CCDC47: variants seen among roughly 807,000 people sequenced by gnomAD.
CCDC47 encodes the protein coiled-coil domain containing 47, also known as PAT complex subunit CCDC47.
In CCDC47, 41 loss-of-function variants were observed where a neutral mutation model predicts 60.5. That is an observed-to-expected ratio of 0.68 (90% CI 0.53 to 0.88). The LOEUF is 0.88. Among genes scored for constraint, CCDC47 ranks in the 40% least tolerant of loss-of-function variants. CCDC47 has a pLI of 0.00. For missense variants in CCDC47, 513 were observed against 580.9 expected (o/e 0.88, Z 1.20); for synonymous variants, 195 against 190.7 (o/e 1.02, Z -0.18).
At chr17:63,762,007 T>C (rs191958969) in intron 4 of CCDC47, 2 of 889,954 alleles carry the variant, frequency 2.2e-6, no homozygotes, top group East Asian at 2.4e-4. Context: ...ATGGAGTGAA[T>C]AAAAAATACC....
At chr17:63,758,080 T>C (rs1358641602) in intron 6 of CCDC47, among the ~76,000 whole-genome samples, 1 of 152,158 alleles carries the variant, frequency 6.6e-6, no homozygotes, top group Non-Finnish European at 1.5e-5. Context: ...GCATGAAAGC[T>C]CCGAACGACT....
chr17:63,772,955 C>T (rs1269893404), intron 1 of CCDC47: 1 of 152,206 alleles, frequency 6.6e-6, no homozygotes, highest in African/African-American at 2.4e-5. Flanking sequence ...AATAGTTCCT[C>T]AGCGACTGAG....
chr17:63,750,997 C>T (rs1291006820), intron 12 of CCDC47, among the ~76,000 whole-genome samples: 1 of 151,724 alleles, frequency 6.6e-6, no homozygotes, highest in Non-Finnish European at 1.5e-5. Flanking sequence ...ACTTCAGTCT[C>T]CCAAGTAGTT....
chr17:63,754,593 CTT>C (rs1835581712), intron 8 of CCDC47, 75 bp from the exon 9 acceptor site: 1 of 954,016 alleles, frequency 1.0e-6, no homozygotes, highest in Admixed American at 2.2e-5. Context: ...GATATTCACT[CTT>C]TGAGATGGTG....
chr17:63,768,657 G>A (rs763457626), intron 1 of CCDC47, among the ~76,000 whole-genome samples: 14 of 152,114 alleles, frequency 9.2e-5, no homozygotes, highest in Middle Eastern at 3.2e-3. Context: ...TCATGCTAAT[G>A]CATTCCAGCC....
intron 12 of CCDC47, chr17:63,747,467 T>A: frequency 1.0e-6 from 1 of 980,136 alleles, no homozygotes; most frequent in Non-Finnish European, 1.2e-6. Flanking sequence ...ATTTGAGACA[T>A]CATATTTATC....
chr17:63,769,893 A>G (rs2039324401), intron 1 of CCDC47, among the ~76,000 whole-genome samples: 1 of 151,986 alleles, frequency 6.6e-6, no homozygotes, highest in East Asian at 1.9e-4. Flanking sequence ...AGAAAAACAT[A>G]CATTTACATA....
chr17:63,763,772 C>T lies in CCDC47; in HGVS notation c.547+244G>A, dbSNP rs545687782. Among the ~76,000 whole-genome samples, 38 of 151,254 alleles carry T rather than the reference C, an allele frequency of 2.5e-4. No homozygotes were observed. In the South Asian group the frequency reaches 4.4e-3, roughly 17 times the overall value. ...CCAGGAGGTGGAGGTTGCAGTGAGC[C>T]GAGATCGCGCCACTGCACTCCAGCC... On this transcript the variant is annotated intron_variant, in intron 4 of 12. Coordinates refer to ENST00000225726, the MANE Select transcript of CCDC47 (RefSeq NM_020198.3).
At position 63,764,771 on chromosome 17, in the gene CCDC47, C is replaced by T. The variant is rs1456181986; in HGVS notation, c.341G>A (p.Ser114Asn). 11 of 1,613,056 alleles carry T rather than the reference C, an allele frequency of 6.8e-6. No homozygotes were observed. The highest frequency in any genetic ancestry group is 9.3e-6 in the Non-Finnish European group (11 of 1,179,816). ...GYEDKPDTSS[S>N]KNKDPITIVD... ...AATCGTTATTGGGTCTTTATTTTTG[C>T]TAGAAGAAGTATCTGGTTTGTCTTC... The change falls in exon 3 of 13, where the codon AGC (serine) becomes AAC (asparagine). Residue 114 changes from serine (S) to asparagine (N), a missense_variant. Coordinates refer to ENST00000225726, the MANE Select transcript of CCDC47 (RefSeq NM_020198.3).
At chr17:63,753,635 G>A (rs1444643954) in intron 9 of CCDC47, 2 of 982,562 alleles carry the variant, frequency 2.0e-6, no homozygotes, top group African/African-American at 3.5e-5. Flanking sequence ...ATGTACTCCT[G>A]AACAGTATTA....
chr17:63,756,672 C>G, intron 6 of CCDC47, 102 bp from the exon 7 acceptor site: 3 of 749,992 alleles, frequency 4.0e-6, no homozygotes, highest in South Asian at 3.3e-5. Context: ...GGTGCATATA[C>G]TCTCCCTTTA....
At chr17:63,767,587 T>C (rs1168544714) in intron 1 of CCDC47, among the ~76,000 whole-genome samples, 1 of 152,150 alleles carries the variant, frequency 6.6e-6, no homozygotes, top group African/African-American at 2.4e-5. Flanking sequence ...CCCTATGTCA[T>C]AACTCACTGT....
chr17:63,762,002 G>A (rs1336145367), intron 4 of CCDC47: 3 of 863,020 alleles, frequency 3.5e-6, no homozygotes, highest in African/African-American at 3.7e-5. Context: ...CTCCTATGGA[G>A]TGAATAAAAA....
In CCDC47 at chr17:63,761,316, C is replaced by T. The variant is rs2039258077; in HGVS notation, c.583G>A (p.Gly195Arg). 1 of 1,613,968 alleles carries T rather than the reference C, an allele frequency of 6.2e-7. No individual in the cohort carries two copies. Among genetic ancestry groups the T allele is most frequent in the African/African-American group, 1.3e-5 (1 of 74,878 alleles). Reference protein sequence around the residue: ...DGTNKEATSTGKLNQENEHIY... With the variant: ...DGTNKEATSTRKLNQENEHIY... ...TGCTCATTCTCCTGGTTCAACTTTCCTGTGCTTGTGGCTTCTTTGTTAGTT... is the reference window on the plus strand; with the variant it reads ...TGCTCATTCTCCTGGTTCAACTTTCTTGTGCTTGTGGCTTCTTTGTTAGTT... The change falls in exon 5 of 13, where the codon GGA becomes AGA. Residue 195 changes from glycine to arginine, a missense_variant. Gly to Arg is a moderately radical substitution (Grantham distance 125, BLOSUM62 -2). Coordinates refer to ENST00000225726, the MANE Select transcript of CCDC47 (RefSeq NM_020198.3).
chr17:63,758,618 G>A (rs1285272765), intron 6 of CCDC47, among the ~76,000 whole-genome samples: 1 of 152,116 alleles, frequency 6.6e-6, no homozygotes, highest in Non-Finnish European at 1.5e-5. Context: ...TTGGCTGTTT[G>A]TATTGGAAAA....
At position 63,759,569 on chromosome 17, in the gene CCDC47, AT is replaced by A. The variant is rs2039240107; in HGVS notation, c.735+1344del. On this transcript the variant is annotated intron_variant, in intron 6 of 12. Transcript: ENST00000225726. ...TATATATATATATATATATATATAT[AT>A]ATATATAAAACAATGATTTTCAATC... is the stretch of plus-strand genomic sequence containing the variant. Among the ~76,000 whole-genome samples, 4 of 101,396 alleles carry A rather than the reference AT, an allele frequency of 3.9e-5. 1 individual carries two copies. Among genetic ancestry groups the A allele is most frequent in the Admixed American group, 2.4e-4 (2 of 8,234 alleles). 66.5% of individuals were successfully genotyped at this position (101,396 alleles called of 152,430 possible). A position where few individuals can be genotyped will look rare whatever the true frequency, so the allele number is the denominator to read the frequency against.
At chr17:63,771,535 G>C (rs1241588581) in intron 1 of CCDC47, among the ~76,000 whole-genome samples, 1 of 152,090 alleles carries the variant, frequency 6.6e-6, no homozygotes, top group Admixed American at 6.6e-5. Context: ...AAGAGGTATG[G>C]GATGTGTCTC....
At chr17:63,750,616 CCT>C (rs2039155837) in intron 12 of CCDC47, among the ~76,000 whole-genome samples, 1 of 151,676 alleles carries the variant, frequency 6.6e-6, no homozygotes, top group Non-Finnish European at 1.5e-5. Context: ...ACAGGGTCTC[CCT>C]CTGTCACCCA....
At chr17:63,768,149 A>G (rs769265440) in intron 1 of CCDC47, among the ~76,000 whole-genome samples, 34 of 152,260 alleles carry the variant, frequency 2.2e-4, no homozygotes, top group Non-Finnish European at 1.0e-4. Context: ...GCAAAGTAAT[A>G]TAAAAACTCC....
Sources: gnomAD v4.1 joint callset for allele counts (sites outside exome capture counted in the v4.1 genomes callset) on GRCh38, gnomAD v4.1.1 for gene constraint, MANE v1.5 for transcripts, NCBI Gene and HGNC (gene_info 2026-07-23, HGNC 2026-07-21) for gene names.